EBF1: variants seen among roughly 807,000 people sequenced by gnomAD.
The protein encoded by EBF1 is transcription factor COE1.
EBF1 carries 10 observed loss-of-function variants against 68.4 expected under a neutral mutation model. The ratio of observed to expected loss-of-function variants is 0.15; its 90% CI spans 0.09 to 0.25. EBF1 has a LOEUF of 0.25. Among genes scored for constraint, EBF1 ranks in the 10% least tolerant of loss-of-function variants. EBF1 has a pLI of 1.00. For missense variants in EBF1, 509 were observed against 794.4 expected (o/e 0.64, Z 4.32); for synonymous variants, 298 against 299.8 (o/e 0.99, Z 0.06).
intron 6 of EBF1, among the ~76,000 whole-genome samples, chr5:158,941,902 C>T (rs1167057753): frequency 2.0e-5 from 3 of 152,032 alleles, no homozygotes; most frequent in Non-Finnish European, 4.4e-5. Context: ...AGTGATTCGT[C>T]GGATGGGAAG....
intron 6 of EBF1, among the ~76,000 whole-genome samples, chr5:159,008,922 G>C (rs1764104329): frequency 6.6e-6 from 1 of 152,096 alleles, no homozygotes; most frequent in Non-Finnish European, 1.5e-5. Flanking sequence ...GCTTTTATCA[G>C]TTTAAATTCT....
intron 6 of EBF1, among the ~76,000 whole-genome samples, chr5:158,841,749 G>T (rs1404121959): frequency 6.6e-6 from 1 of 152,212 alleles, no homozygotes; most frequent in African/African-American, 2.4e-5. Flanking sequence ...AGTCCCAGAT[G>T]AATCCCTCTG....
chr5:158,782,692 C>A (rs750055671), intron 9 of EBF1, among the ~76,000 whole-genome samples: 2 of 151,926 alleles, frequency 1.3e-5, no homozygotes, highest in African/African-American at 4.8e-5. Context: ...AAATAAAAAA[C>A]AAATTAAGTA....
intron 10 of EBF1, among the ~76,000 whole-genome samples, chr5:158,745,829 T>A (rs1767441114): frequency 6.6e-6 from 1 of 152,194 alleles, no homozygotes. Context: ...AACACCCTGG[T>A]AATCCACTAA....
At chr5:159,045,000 C>T (rs1326630515) in intron 6 of EBF1, among the ~76,000 whole-genome samples, 1 of 152,116 alleles carries the variant, frequency 6.6e-6, no homozygotes, top group Non-Finnish European at 1.5e-5. Flanking sequence ...TTACCAAATA[C>T]ATTTAATCCT....
At chr5:158,942,961 G>A (rs1444671474) in intron 6 of EBF1, among the ~76,000 whole-genome samples, 1 of 126,858 alleles carries the variant, frequency 7.9e-6, no homozygotes, top group African/African-American at 2.9e-5. Flanking sequence ...GTAGAAGAGG[G>A]AGGGGGAAGG....
intron 6 of EBF1, among the ~76,000 whole-genome samples, chr5:158,859,931 G>A (rs1366790111): frequency 3.9e-5 from 6 of 152,180 alleles, no homozygotes; most frequent in African/African-American, 1.4e-4. Context: ...TGAAGGGAAC[G>A]TATTTTATAC....
chr5:159,038,283 G>A (rs1028052630), intron 6 of EBF1, among the ~76,000 whole-genome samples: 5 of 152,102 alleles, frequency 3.3e-5, no homozygotes, highest in African/African-American at 1.2e-4. Context: ...GGAAATGAGG[G>A]GGGAAACCCA....
At chr5:158,737,743 A>C (rs1765525668) in intron 10 of EBF1, among the ~76,000 whole-genome samples, 1 of 152,164 alleles carries the variant, frequency 6.6e-6, no homozygotes. Context: ...GAGTGCAGCC[A>C]GGGTAACATG....
chr5:158,904,477 C>G (rs1804125669), intron 6 of EBF1, among the ~76,000 whole-genome samples: 1 of 152,148 alleles, frequency 6.6e-6, no homozygotes, highest in African/African-American at 2.4e-5. Flanking sequence ...GATACAGAGC[C>G]TTTCTGGTTT....
chr5:158,867,432 G>T (rs951933489), intron 6 of EBF1, among the ~76,000 whole-genome samples: 1 of 152,178 alleles, frequency 6.6e-6, no homozygotes, highest in Non-Finnish European at 1.5e-5. Context: ...TTCAAGATGG[G>T]ATACAGTGTT....
At chr5:158,997,598 G>A (rs1761671125) in intron 6 of EBF1, among the ~76,000 whole-genome samples, 2 of 152,064 alleles carry the variant, frequency 1.3e-5, no homozygotes, top group Non-Finnish European at 2.9e-5. Context: ...ACTTCTTTCT[G>A]GGTCTTGTTG....
intron 6 of EBF1, among the ~76,000 whole-genome samples, chr5:158,886,539 A>T (rs923049532): frequency 2.0e-5 from 3 of 152,232 alleles, no homozygotes; most frequent in African/African-American, 7.2e-5. Flanking sequence ...TGTCTATCTT[A>T]AACTAATATA....
chr5:158,700,119 G>T (rs923237067), intron 15 of EBF1, among the ~76,000 whole-genome samples: 1 of 152,150 alleles, frequency 6.6e-6, no homozygotes, highest in Admixed American at 6.5e-5. Context: ...TTAGCTGCTG[G>T]GATTTTTAAC....
intron 6 of EBF1, among the ~76,000 whole-genome samples, chr5:158,880,870 G>A (rs1798776545): frequency 6.6e-6 from 1 of 152,120 alleles, no homozygotes; most frequent in South Asian, 2.1e-4. Flanking sequence ...GACATCCCCT[G>A]GTCTTCTGAT....
At position 158,966,767 on chromosome 5, in the gene EBF1, G is replaced by A. The variant is rs567491697; in HGVS notation, c.554+106629C>T. Among the ~76,000 whole-genome samples the A allele has an allele frequency of 1.7e-4, 26 of 152,236 alleles. No individual in the cohort carries two copies. In the South Asian group the frequency reaches 5.4e-3, roughly 32 times the overall value. ...CCCCCGAAAGACAGCCACCTGGCTT[G>A]GTACTGAAAACCAGGTCCAAATCAC... On this transcript the variant is annotated intron_variant, in intron 6 of 15. Transcript: ENST00000313708.
intron 6 of EBF1, among the ~76,000 whole-genome samples, chr5:159,037,751 A>G (rs1770373647): frequency 6.6e-6 from 1 of 151,022 alleles, no homozygotes; most frequent in Admixed American, 6.6e-5. Context: ...GCACATGTAT[A>G]CATATGTAAC....
chr5:158,891,604 G>A (rs1801196193), intron 6 of EBF1, among the ~76,000 whole-genome samples: 1 of 152,046 alleles, frequency 6.6e-6, no homozygotes, highest in Non-Finnish European at 1.5e-5. Context: ...GAGCCAGCTA[G>A]TGTATATGCA....
At chr5:158,713,225 C>T (rs1011119110) in intron 12 of EBF1, 78 bp from the exon 13 acceptor site, 24 of 1,245,182 alleles carry the variant, frequency 1.9e-5, no homozygotes, top group Admixed American at 1.9e-4. Context: ...GTGCCAGGTA[C>T]CGTGCTCAGG....
Sources: gnomAD v4.1 joint callset for allele counts (sites outside exome capture counted in the v4.1 genomes callset) on GRCh38, gnomAD v4.1.1 for gene constraint, MANE v1.5 for transcripts, NCBI Gene and HGNC (gene_info 2026-07-23, HGNC 2026-07-21) for gene names.